LRRC37A: variants seen among roughly 807,000 people sequenced by gnomAD.
LRRC37A encodes the protein leucine-rich repeat-containing protein 37A.
Under a neutral mutation model 35.4 loss-of-function variants are expected in LRRC37A, and 3 were observed. The observed-to-expected ratio is 0.08, with a 90% CI of 0.04 to 0.22. LRRC37A has a LOEUF of 0.22. Ranked by LOEUF, LRRC37A falls within the 10% of genes least tolerant of loss-of-function variation. The probability of loss-of-function intolerance (pLI) is 1.00; values close to 1 mark genes in which losing one functional copy is unlikely to be tolerated. For missense variants in LRRC37A, 67 were observed against 565.3 expected, an observed-to-expected ratio of 0.12 and a Z score of 8.94; for synonymous variants, 23 against 215.0, an observed-to-expected ratio of 0.11 and a Z score of 7.81.
At chr17:46,288,735 AC>A (rs2049988301), upstream of LRRC37A, among the ~76,000 whole-genome samples, 1 of 140,038 alleles carries the variant, frequency 7.1e-6, no homozygotes, top group Non-Finnish European at 1.5e-5. Context: ...ACTGGGTCTC[AC>A]TCTGTCACCC....
At chr17:46,282,938 G>T in the LRRC37A span, among the ~76,000 whole-genome samples, 1 of 151,670 alleles carries the variant, frequency 6.6e-6, no homozygotes, top group Admixed American at 6.6e-5. Context: ...GGCCAACACA[G>T]TGAAACCTCA....
chr17:46,325,021 G>A (rs2051655118), intron 7 of LRRC37A, among the ~76,000 whole-genome samples: 1 of 76,174 alleles, frequency 1.3e-5, no homozygotes, highest in Admixed American at 1.4e-4. Flanking sequence ...TGCAAGATTA[G>A]CATGGAAAGG....
the LRRC37A span, among the ~76,000 whole-genome samples, chr17:46,283,596 C>G: frequency 6.6e-6 from 1 of 152,216 alleles, no homozygotes; most frequent in African/African-American, 2.4e-5. Flanking sequence ...AAAGCTTGGT[C>G]GGAAGACCTT....
chr17:46,289,764 G>A (rs543906735), upstream of LRRC37A, among the ~76,000 whole-genome samples: 34 of 152,096 alleles, frequency 2.2e-4, no homozygotes, highest in Non-Finnish European at 4.1e-4. Context: ...CTTAGCCCAC[G>A]TTTCCTTTAA....
chr17:46,251,072 C>G, the LRRC37A span, among the ~76,000 whole-genome samples: 1 of 152,114 alleles, frequency 6.6e-6, no homozygotes, highest in South Asian at 2.1e-4. Flanking sequence ...ACACTCCTGC[C>G]TGGGTGACAG....
chr17:46,258,489 G>A, the LRRC37A span, among the ~76,000 whole-genome samples: 45 of 151,860 alleles, frequency 3.0e-4, no homozygotes, highest in Non-Finnish European at 3.8e-4. Context: ...GATTACAGGC[G>A]TGAGCCACCA....
At chr17:46,254,011 C>A in the LRRC37A span, among the ~76,000 whole-genome samples, 1 of 152,182 alleles carries the variant, frequency 6.6e-6, no homozygotes, top group Non-Finnish European at 1.5e-5. Flanking sequence ...CAGCAGAGGG[C>A]GCTGCTCCAA....
the LRRC37A span, among the ~76,000 whole-genome samples, chr17:46,284,900 C>T: frequency 3.4e-3 from 523 of 152,328 alleles, 2 homozygotes; most frequent in Middle Eastern, 0.024. Flanking sequence ...GACAGGGTCT[C>T]GCTCTGTCAT....
the LRRC37A span, among the ~76,000 whole-genome samples, chr17:46,273,659 C>T: frequency 1.3e-5 from 2 of 152,206 alleles, no homozygotes; most frequent in Admixed American, 6.5e-5. Flanking sequence ...GCTGCATAAT[C>T]CAGCTATGGC....
At chr17:46,285,236 CTTT>C in the LRRC37A span, among the ~76,000 whole-genome samples, 2 of 148,602 alleles carry the variant, frequency 1.3e-5, no homozygotes, top group Admixed American at 6.7e-5. Context: ...GTTTTCTTTT[CTTT>C]CCTTTTTTTT....
At chr17:46,329,293 C>CT (rs1210703233) in intron 8 of LRRC37A, among the ~76,000 whole-genome samples, 1 of 6,026 alleles carries the variant, frequency 1.7e-4, no homozygotes, top group African/African-American at 2.3e-4. Context: ...TTTTTCAAAA[C>CT]TTTTTTTTTT....
rs1430878078 is a variant in LRRC37A at position 46,307,852 on chromosome 17, A to C, written c.2906+1543A>C. Among the ~76,000 whole-genome samples the C allele has an allele frequency of 6.5e-5, 5 of 77,450 alleles. 2 individuals carry two copies. Among genetic ancestry groups the C allele is most frequent in the Non-Finnish European group, 1.9e-4 (5 of 25,648 alleles). The allele number at this position is 77,450 out of a possible 152,430, so 50.8% of individuals were successfully genotyped here. On this transcript the variant is annotated intron_variant, in intron 5 of 13. Coordinates refer to ENST00000320254, the Ensembl canonical transcript of LRRC37A. ...ACATGGTGAAACCTGTCTCTACTAA[A>C]AATACAAAAATTAGGTGGGCATGGT...
chr17:46,287,050 AT>A, the LRRC37A span, among the ~76,000 whole-genome samples: 81 of 152,226 alleles, frequency 5.3e-4, 2 homozygotes, highest in Non-Finnish European at 3.2e-4. Context: ...GCCTTGCTTC[AT>A]TTTTTTACAG....
chr17:46,280,222 G>A, the LRRC37A span, among the ~76,000 whole-genome samples: 3 of 152,208 alleles, frequency 2.0e-5, no homozygotes, highest in Non-Finnish European at 4.4e-5. Flanking sequence ...AAATTAGCCA[G>A]GTGTGGTGGC....
chr17:46,288,305 C>CTTTTTT (rs78255121), upstream of LRRC37A, among the ~76,000 whole-genome samples: 4 of 112,258 alleles, frequency 3.6e-5, no homozygotes, highest in Admixed American at 9.2e-5. Context: ...CCAGGCCCGG[C>CTTTTTT]TTTTTTTTTT....
the LRRC37A span, among the ~76,000 whole-genome samples, chr17:46,279,485 T>C: frequency 1.3e-5 from 2 of 149,332 alleles, no homozygotes; most frequent in Non-Finnish European, 3.0e-5. Flanking sequence ...CACCTGGCCT[T>C]TTTTTTCTTT....
chr17:46,270,832 A>C, the LRRC37A span, among the ~76,000 whole-genome samples: 1 of 152,216 alleles, frequency 6.6e-6, no homozygotes, highest in African/African-American at 2.4e-5. Context: ...CCTAGTAGGC[A>C]GAGGTTGCAG....
chr17:46,332,723 A>T, intron 10 of LRRC37A, 67 bp downstream of exon 10: 1 of 611,054 alleles, frequency 1.6e-6, no homozygotes, highest in Non-Finnish European at 2.7e-6. Flanking sequence ...CAGAGCTCAC[A>T]AACTGAAAAC....
chr17:46,290,233 A>C (rs1386263393), upstream of LRRC37A, among the ~76,000 whole-genome samples: 1 of 152,184 alleles, frequency 6.6e-6, no homozygotes, highest in African/African-American at 2.4e-5. Flanking sequence ...GGGGTCAAGC[A>C]GTCCCCTGGC....
Sources: gnomAD v4.1 joint callset for allele counts (sites outside exome capture counted in the v4.1 genomes callset) on GRCh38, gnomAD v4.1.1 for gene constraint, MANE v1.5 for transcripts, NCBI Gene and HGNC (gene_info 2026-07-23, HGNC 2026-07-21) for gene names.